The following ZC3HAV1 variants were observed in gnomAD, a reference collection of about 807,000 sequenced individuals.
The protein encoded by ZC3HAV1 is zinc finger CCCH-type antiviral protein 1.
A neutral mutation model predicts 86.6 loss-of-function variants in ZC3HAV1; 41 were observed. The observed-to-expected ratio is 0.47, with a 90% CI of 0.37 to 0.61. ZC3HAV1 has a LOEUF of 0.61. ZC3HAV1 is among the 20% of genes least tolerant of loss of function. The pLI is 0.00. For missense variants in ZC3HAV1, 964 were observed against 1,141.1 expected (o/e 0.84, Z 2.24); for synonymous variants, 421 against 432.1 (o/e 0.97, Z 0.32).
At chr7:139,093,554 C>T (rs1817491999) in intron 1 of ZC3HAV1, among the ~76,000 whole-genome samples, 1 of 152,204 alleles carries the variant, frequency 6.6e-6, no homozygotes, top group African/African-American at 2.4e-5. Context: ...ATGACATTAC[C>T]TTGTGAAATT....
Position 139,109,251 on chromosome 7 carries a change from G to C in ZC3HAV1, c.81C>G (p.Leu27=), listed in dbSNP as rs2130748091. ...GCGGCTCAGACAGCGCGATCTCCTG[G>C]AGCAGCGCGTCCAGGGCCATGCGGC... is the stretch of plus-strand genomic sequence containing the variant. ...HGGRMALDAL[L]QEIALSEPQL... Residue 27 remains leucine, a synonymous_variant, in exon 1 of 13, where the codon CTC becomes CTG. Transcript: ENST00000242351. The C allele has an allele frequency of 6.2e-7, 1 of 1,612,186 alleles. No individual in the cohort carries two copies. The highest frequency in any genetic ancestry group is 1.1e-5 in the South Asian group (1 of 90,862).
At chr7:139,063,027 C>CAAAA (rs58859916) in intron 8 of ZC3HAV1, among the ~76,000 whole-genome samples, 599 of 66,422 alleles carry the variant, frequency 9.0e-3, no homozygotes, top group Middle Eastern at 0.02. Context: ...GACTCTGTCT[C>CAAAA]AAAAAAAAAA....
rs1366727116 is a variant in ZC3HAV1, at chr7:139,064,870, GAAACCCACCT to G, written c.1992_1993+8del. The G allele has an allele frequency of 2.5e-6, 4 of 1,613,898 alleles. No individual in the cohort carries two copies. Among genetic ancestry groups the G allele is most frequent in the African/African-American group, 1.3e-5 (1 of 74,902 alleles). ...ATGACACACAACACTGCCAAACACAGAAACCCACCTTGGAAACTCAGCTCATAGTTCCGTG... is the reference window on the plus strand; with the variant it reads ...ATGACACACAACACTGCCAAACACAGTGGAAACTCAGCTCATAGTTCCGTG... On this transcript the variant is annotated splice_donor_variant and splice_donor_5th_base_variant and coding_sequence_variant and intron_variant, in exon 8 of 13. Coordinates refer to ENST00000242351, the MANE Select transcript of ZC3HAV1 (RefSeq NM_020119.4). LOFTEE classifies it high-confidence loss of function.
At chr7:139,064,130 GC>G (rs1349308654) in intron 8 of ZC3HAV1, among the ~76,000 whole-genome samples, 1 of 152,216 alleles carries the variant, frequency 6.6e-6, no homozygotes, top group Non-Finnish European at 1.5e-5. Context: ...CCTTGTAAAA[GC>G]TACGTCATCT....
Position 139,076,407 on chromosome 7 carries a change from T to C in ZC3HAV1, c.1576A>G (p.Ser526Gly), listed in dbSNP as rs1372566338. 1 of 1,614,070 alleles carries C rather than the reference T, an allele frequency of 6.2e-7. No individual in the cohort carries two copies. The highest frequency in any genetic ancestry group is 1.1e-5 in the South Asian group (1 of 91,084). ...HLCKGCPLNG[S>G]CSKVHFHLPY... Reference sequence around the variant, plus strand: ...AGATGGAAGTGGACTTTGCTGCAGCTACCTACAAAGACAAAGAAGGGGTCT... The same window carrying C: ...AGATGGAAGTGGACTTTGCTGCAGCCACCTACAAAGACAAAGAAGGGGTCT... The change falls in exon 6 of 13, where the codon AGC (serine) becomes GGC (glycine). Residue 526 changes from serine (S) to glycine (G), a missense_variant and splice_region_variant. Transcript: ENST00000242351.
rs79245788 is a variant in ZC3HAV1, at chr7:139,102,441, A to G, written c.308+6583T>C. Among the ~76,000 whole-genome samples, 535 of 152,342 alleles carry G rather than the reference A, an allele frequency of 3.5e-3. 2 individuals carry two copies. Among genetic ancestry groups the G allele is most frequent in the Non-Finnish European group, 6.2e-3 (419 of 68,040 alleles). ...TACTGAGGCCAGTCTCAATTTTAAT[A>G]ATAAGAAGATCAATATATAAATTGT... On this transcript the variant is annotated intron_variant, in intron 1 of 12. Coordinates refer to ENST00000242351, the MANE Select transcript of ZC3HAV1 (RefSeq NM_020119.4).
At chr7:139,060,994 T>A in intron 9 of ZC3HAV1, 42 bp downstream of exon 9, 1 of 1,612,028 alleles carries the variant, frequency 6.2e-7, no homozygotes, top group Non-Finnish European at 8.5e-7. Context: ...GGCATGAACA[T>A]CTCAAGCATC....
chr7:139,072,148 C>T (rs1333390007), intron 7 of ZC3HAV1, among the ~76,000 whole-genome samples: 1 of 152,158 alleles, frequency 6.6e-6, no homozygotes, highest in Non-Finnish European at 1.5e-5. Context: ...TTTACACCAA[C>T]CTAAATATGT....
intron 2 of ZC3HAV1, among the ~76,000 whole-genome samples, chr7:139,086,841 A>G (rs936988758): frequency 2.0e-5 from 3 of 152,304 alleles, no homozygotes; most frequent in African/African-American, 4.8e-5. Flanking sequence ...CCACCATGTA[A>G]GATGTTCCTG....
intron 7 of ZC3HAV1, among the ~76,000 whole-genome samples, chr7:139,072,386 A>G (rs1417316484): frequency 6.6e-6 from 1 of 152,046 alleles, no homozygotes. Flanking sequence ...GGGTTTCACC[A>G]TGTTGGCCGG....
At chr7:139,092,897 C>T (rs537672656) in intron 1 of ZC3HAV1, among the ~76,000 whole-genome samples, 4 of 152,228 alleles carry the variant, frequency 2.6e-5, no homozygotes, top group Non-Finnish European at 5.9e-5. Context: ...CCTGCAGCCC[C>T]TTCCCTGGCA....
intron 3 of ZC3HAV1, among the ~76,000 whole-genome samples, chr7:139,082,608 C>T (rs1817157530): frequency 6.6e-6 from 1 of 152,030 alleles, no homozygotes; most frequent in Admixed American, 6.6e-5. Flanking sequence ...TATCCATCGA[C>T]AGATGAATGG....
In ZC3HAV1 at chr7:139,047,602, T is replaced by G. The variant is rs2130655745; in HGVS notation, c.2701A>C (p.Ile901Leu). The change falls in exon 13 of 13, where the codon ATT becomes CTT. Residue 901 changes from isoleucine to leucine, a missense_variant. Ile to Leu is a conservative substitution (Grantham distance 5, BLOSUM62 2). Transcript: ENST00000242351. ...CGCTGTATTCATCGGTTCTAACTAA[T>G]CACGCAGGCTTTGTCTTCAGTATAT... is the stretch of plus-strand genomic sequence containing the variant. ...IEYTEDKACV[I>L]S 7.4e-6 allele frequency: 12 copies of G among 1,614,108 alleles called. No homozygotes were observed. Among genetic ancestry groups the G allele is most frequent in the Admixed American group, 1.7e-5 (1 of 60,002 alleles).
intron 4 of ZC3HAV1, chr7:139,079,004 C>T (rs1009599557): frequency 1.7e-5 from 25 of 1,464,268 alleles, no homozygotes; most frequent in Non-Finnish European, 2.2e-5. Context: ...TAACTCTCTA[C>T]CCTTTAAGAA....
intron 1 of ZC3HAV1, among the ~76,000 whole-genome samples, chr7:139,102,108 A>C (rs1232081571): frequency 6.6e-6 from 1 of 152,128 alleles, no homozygotes; most frequent in Non-Finnish European, 1.5e-5. Context: ...TAATGGTTTA[A>C]TAGCAAATAC....
At chr7:139,064,370 C>T (rs1032595392) in intron 8 of ZC3HAV1, among the ~76,000 whole-genome samples, 1 of 152,216 alleles carries the variant, frequency 6.6e-6, no homozygotes, top group Admixed American at 6.5e-5. Flanking sequence ...ACCAGAAGAC[C>T]TTTCTATAGT....
chr7:139,054,914 A>G (rs1816239620), intron 10 of ZC3HAV1, among the ~76,000 whole-genome samples: 1 of 152,130 alleles, frequency 6.6e-6, no homozygotes, highest in Non-Finnish European at 1.5e-5. Flanking sequence ...CAGCATCCCA[A>G]GTAGCTGGGA....
chr7:139,075,959 G>T (rs1417574332), intron 6 of ZC3HAV1, among the ~76,000 whole-genome samples: 3 of 152,186 alleles, frequency 2.0e-5, no homozygotes, highest in Non-Finnish European at 4.4e-5. Flanking sequence ...CAGGATACGA[G>T]CCGGACACTG....
chr7:139,061,478 G>T (rs933139723), intron 8 of ZC3HAV1, among the ~76,000 whole-genome samples: 3 of 152,218 alleles, frequency 2.0e-5, no homozygotes, highest in African/African-American at 4.8e-5. Context: ...GTGATTACGG[G>T]TTGGAATCTG....
Sources: gnomAD v4.1 joint callset for allele counts (sites outside exome capture counted in the v4.1 genomes callset) on GRCh38, gnomAD v4.1.1 for gene constraint, MANE v1.5 for transcripts, NCBI Gene and HGNC (gene_info 2026-07-23, HGNC 2026-07-21) for gene names.